Variants in DTX4 observed in about 807,000 individuals in gnomAD.
DTX4 encodes the protein E3 ubiquitin-protein ligase DTX4.
In DTX4, 28 loss-of-function variants were observed where a neutral mutation model predicts 57.6. That is an observed-to-expected ratio of 0.49 (90% CI 0.36 to 0.67). The LOEUF (loss-of-function observed/expected upper bound fraction) is 0.67, where lower values mean the gene tolerates loss of function less well. Ranked by LOEUF, DTX4 falls within the 30% of genes least tolerant of loss-of-function variation. The pLI is 0.00. For synonymous variants in DTX4, 316 were observed against 331.0 expected, an observed-to-expected ratio of 0.95 and a Z score of 0.49; for missense variants, 715 against 836.8, an observed-to-expected ratio of 0.85 and a Z score of 1.80.
At chr11:59,179,805 G>A (rs1233279381) in intron 1 of DTX4, among the ~76,000 whole-genome samples, 1 of 152,136 alleles carries the variant, frequency 6.6e-6, no homozygotes, top group Non-Finnish European at 1.5e-5. Context: ...GGTGTTGCCA[G>A]CCAGAGGTCC....
chr11:59,198,169 C>G (rs1205752514), intron 7 of DTX4, among the ~76,000 whole-genome samples: 1 of 152,176 alleles, frequency 6.6e-6, no homozygotes, highest in African/African-American at 2.4e-5. Context: ...GGGAGAAACT[C>G]TGGGTTGGGC....
intron 2 of DTX4, among the ~76,000 whole-genome samples, chr11:59,183,635 A>G (rs1862493118): frequency 6.6e-6 from 1 of 152,130 alleles, no homozygotes; most frequent in African/African-American, 2.4e-5. Context: ...AGGCTGCTCT[A>G]AGAAGGTGGT....
Position 59,207,760 on chromosome 11 carries a change from TTG to T in DTX4, c.*2852_*2853del. The T allele has an allele frequency of 6.6e-6, 1 of 152,636 alleles. No individual in the cohort carries two copies. The highest frequency in any genetic ancestry group is 2.4e-5 in the African/African-American group (1 of 41,444). The allele number at this position is 152,636 out of a possible 1,614,324, so 9.5% of individuals were successfully genotyped here. ...TTCCAGAGTCTCCAGGGATGACAAA[TTG>T]GATTGGAGACAAACCTCGTCAGATG... is the stretch of plus-strand genomic sequence containing the variant. On this transcript the variant is annotated 3_prime_UTR_variant, in exon 9 of 9. Transcript: ENST00000227451.
At chr11:59,174,434 G>A (rs1396349767) in intron 1 of DTX4, among the ~76,000 whole-genome samples, 1 of 146,440 alleles carries the variant, frequency 6.8e-6, no homozygotes, top group African/African-American at 2.6e-5. Flanking sequence ...GCTGAGCCAC[G>A]GAGGTGGGAC....
At chr11:59,190,438 G>A (rs1267129111) in intron 4 of DTX4, among the ~76,000 whole-genome samples, 1 of 152,172 alleles carries the variant, frequency 6.6e-6, no homozygotes, top group African/African-American at 2.4e-5. Context: ...TTAAGGGAGT[G>A]GCCCAAGGTA....
At position 59,172,649 on chromosome 11, in the gene DTX4, C is replaced by T. The variant is rs1462582496; in HGVS notation, c.54C>T (p.Arg18=). 6.3e-7 allele frequency: 1 copy of T among 1,592,926 alleles called. No homozygotes were observed. The highest frequency in any genetic ancestry group is 8.5e-7 in the Non-Finnish European group (1 of 1,174,840). Residue 18 remains arginine (R), a synonymous_variant, in exon 1 of 9, where the codon CGC becomes CGT. Coordinates refer to ENST00000227451, the MANE Select transcript of DTX4 (RefSeq NM_015177.2). ...VVWEWLNEHG[R]WRPYSPAVSH... ...GGGAATGGCTGAACGAGCACGGCCG[C>T]TGGCGTCCCTACAGCCCAGCGGTGA...
chr11:59,192,375 A>G (rs1230149287), intron 6 of DTX4, 125 bp downstream of exon 6: 2 of 1,146,460 alleles, frequency 1.7e-6, no homozygotes, highest in African/African-American at 1.5e-5. Context: ...TCCCTAGGCA[A>G]GAGTGATGAT....
intron 8 of DTX4, among the ~76,000 whole-genome samples, chr11:59,203,718 A>G (rs1862766653): frequency 6.6e-6 from 1 of 152,244 alleles, no homozygotes; most frequent in Non-Finnish European, 1.5e-5. Context: ...CTCTATTGTA[A>G]TCTTGTGAGA....
intron 1 of DTX4, among the ~76,000 whole-genome samples, chr11:59,173,951 T>A (rs1413503244): frequency 6.6e-6 from 1 of 152,082 alleles, no homozygotes; most frequent in Admixed American, 6.5e-5. Flanking sequence ...CCGAGGAGCC[T>A]GGAGAGGCCG....
intron 5 of DTX4, 137 bp downstream of exon 5, chr11:59,191,312 A>C (rs781600529): frequency 6.6e-5 from 55 of 838,664 alleles, no homozygotes; most frequent in Non-Finnish European, 9.4e-5. Flanking sequence ...CAGAACTGAC[A>C]CTGAGGGTTC....
intron 6 of DTX4, among the ~76,000 whole-genome samples, chr11:59,193,664 T>C (rs1160833147): frequency 6.6e-6 from 1 of 152,242 alleles, no homozygotes; most frequent in Non-Finnish European, 1.5e-5. Context: ...TATTCTCTTT[T>C]GCACTAATAC....
At position 59,172,147 on chromosome 11, in the gene DTX4, G is replaced by T. The variant is rs1045197445; in HGVS notation, c.-449G>T. 8.5e-5 allele frequency among the ~76,000 whole-genome samples: 13 copies of T among 152,160 alleles called. No individual in the cohort carries two copies. Among genetic ancestry groups the T allele is most frequent in the African/African-American group, 2.6e-4 (11 of 41,544 alleles). ...AGAGCGTGCCATTCCGAGCGCGGCC[G>T]TGCGGCGAGATCCCACCCCGGCGTC... On this transcript the variant is annotated 5_prime_UTR_variant, in exon 1 of 9. Coordinates refer to ENST00000227451, the MANE Select transcript of DTX4 (RefSeq NM_015177.2).
intron 2 of DTX4, 118 bp downstream of exon 2, chr11:59,182,580 C>A: frequency 7.3e-7 from 1 of 1,364,008 alleles, no homozygotes; most frequent in Non-Finnish European, 9.7e-7. Flanking sequence ...TGTGCTGACC[C>A]CTGGCTGCAG....
rs1292089109 is a variant in DTX4 at position 59,195,452 on chromosome 11, G to A, written c.1536+83G>A. The A allele has an allele frequency of 2.1e-6, 3 of 1,453,910 alleles. 1 individual carries two copies. The Admixed American group carries it at 7.5e-5, about 36-fold the overall frequency. The allele number at this position is 1,453,910 out of a possible 1,614,324, so 90.1% of individuals were successfully genotyped here. Reference sequence around the variant, plus strand: ...TGTTTGTAGGTAAAAAGTTACATATGAAGAGTCTCCTTCCCACACTTTTCC... The same window carrying A: ...TGTTTGTAGGTAAAAAGTTACATATAAAGAGTCTCCTTCCCACACTTTTCC... On this transcript the variant is annotated intron_variant, in intron 7 of 8. Transcript: ENST00000227451.
chr11:59,207,529 G>A lies in DTX4; in HGVS notation c.*2620G>A, dbSNP rs1862829022. 1 of 152,722 alleles carries A rather than the reference G, an allele frequency of 6.5e-6. No individual in the cohort carries two copies. Among genetic ancestry groups the A allele is most frequent in the African/African-American group, 2.4e-5 (1 of 41,446 alleles). The allele number at this position is 152,722 out of a possible 1,614,324, so 9.5% of individuals were successfully genotyped here. A position where few individuals can be genotyped will look rare whatever the true frequency, so the allele number is the denominator to read the frequency against. ...CTAACACTGTGCCCGGCAAGGCGGG[G>A]AGCATTCCTCTGCCCTTTGTCTTGT... On this transcript the variant is annotated 3_prime_UTR_variant, in exon 9 of 9. Coordinates refer to ENST00000227451, the MANE Select transcript of DTX4 (RefSeq NM_015177.2).
At position 59,189,162 on chromosome 11, in the gene DTX4, G is replaced by T. The variant is rs757395203; in HGVS notation, c.998G>T (p.Gly333Val). Residue 333 changes from glycine (G) to valine (V), a missense_variant and splice_region_variant, in exon 4 of 9, where the codon GGA becomes GTA. Transcript: ENST00000227451. ...GSSPVNPALA[G>V]ITGILMSAAG... ...CTCACCCATGCCCTGCCCCTTCCAGGAATCACTGGGATCCTCATGAGTGCA... is the reference window on the plus strand; with the variant it reads ...CTCACCCATGCCCTGCCCCTTCCAGTAATCACTGGGATCCTCATGAGTGCA... 6.2e-7 allele frequency: 1 copy of T among 1,613,176 alleles called. No homozygotes were observed. The highest frequency in any genetic ancestry group is 8.5e-7 in the Non-Finnish European group (1 of 1,179,792).
At chr11:59,195,413 T>A (rs1862653251) in intron 7 of DTX4, 44 bp downstream of exon 7, 1 of 1,555,874 alleles carries the variant, frequency 6.4e-7, no homozygotes, top group Non-Finnish European at 8.7e-7. Context: ...CCCCTTGGTT[T>A]TTATTGTTCT....
At chr11:59,187,934 G>A (rs1862547817) in intron 2 of DTX4, among the ~76,000 whole-genome samples, 1 of 152,208 alleles carries the variant, frequency 6.6e-6, no homozygotes, top group Admixed American at 6.5e-5. Flanking sequence ...ATGTTAGGCT[G>A]GGGATTGCTA....
intron 8 of DTX4, among the ~76,000 whole-genome samples, chr11:59,202,846 G>T (rs1193154337): frequency 6.6e-6 from 1 of 152,184 alleles, no homozygotes; most frequent in African/African-American, 2.4e-5. Flanking sequence ...AAACATCGCA[G>T]AGTGTACTTA....
Sources: allele counts gnomAD v4.1 joint callset (sites outside exome capture counted in the v4.1 genomes callset), GRCh38; gene constraint gnomAD v4.1.1; transcripts MANE v1.5; gene names NCBI Gene and HGNC (gene_info 2026-07-23, HGNC 2026-07-21).